Variants in MGAT4C observed in about 807,000 individuals in gnomAD.
MGAT4C encodes the protein alpha-1,3-mannosyl-glycoprotein 4-beta-N-acetylglucosaminyltransferase C.
MGAT4C carries 19 observed loss-of-function variants against 40.1 expected under a neutral mutation model. That is an observed-to-expected ratio of 0.47 (90% CI 0.33 to 0.70). MGAT4C has a LOEUF of 0.70. Ranked by LOEUF, MGAT4C falls within the 30% of genes least tolerant of loss-of-function variation. The pLI is 0.02. For missense variants in MGAT4C, 491 were observed against 563.2 expected (o/e 0.87, Z 1.30); for synonymous variants, 181 against 187.1 (o/e 0.97, Z 0.27).
At chr12:86,296,864 GCTC>G (rs1360480909) in intron 4 of MGAT4C, among the ~76,000 whole-genome samples, 2 of 152,230 alleles carry the variant, frequency 1.3e-5, no homozygotes, top group African/African-American at 4.8e-5. Context: ...GGGCCAAAGG[GCTC>G]CTCAAGTGCC....
chr12:86,020,923 C>T lies in MGAT4C; in HGVS notation c.-7+28751G>A, dbSNP rs189329555. On this transcript the variant is annotated intron_variant, in intron 2 of 4. Transcript: ENST00000611864. The stretch of plus-strand genomic sequence containing the variant: ...ACAAACAACCCCATCAAAAAGTGGG[C>T]AGAGGATATGAACAGACACTTCTCA... 2.1e-3 allele frequency among the ~76,000 whole-genome samples: 326 copies of T among 152,242 alleles called. 2 individuals are homozygous for T. Among genetic ancestry groups the T allele is most frequent in the Middle Eastern group, 0.01 (3 of 294 alleles).
chr12:85,976,797 G>A lies in MGAT4C; in HGVS notation c.*2492C>T, dbSNP rs1481773016. 1 of 150,308 alleles carries A rather than the reference G, an allele frequency of 6.7e-6. No individual in the cohort carries two copies. Among genetic ancestry groups the A allele is most frequent in the African/African-American group, 2.4e-5 (1 of 41,130 alleles). The allele number at this position is 150,308 out of a possible 1,614,324, so 9.3% of individuals were successfully genotyped here. On this transcript the variant is annotated 3_prime_UTR_variant, in exon 5 of 5. Transcript: ENST00000611864. Reference sequence around the variant, plus strand: ...TGTACTTTTGTTTCTATGCCTCTGAGACAAGATTACTAGACCCTTATTCAA... The same window carrying A: ...TGTACTTTTGTTTCTATGCCTCTGAAACAAGATTACTAGACCCTTATTCAA...
intron 2 of MGAT4C, among the ~76,000 whole-genome samples, chr12:85,992,733 C>G (rs183321087): frequency 6.6e-6 from 1 of 152,224 alleles, no homozygotes; most frequent in Non-Finnish European, 1.5e-5. Flanking sequence ...AAGCACAGAA[C>G]AGAAACATGG....
chr12:86,432,638 C>T (rs148493645), intron 3 of MGAT4C, among the ~76,000 whole-genome samples: 3 of 151,898 alleles, frequency 2.0e-5, no homozygotes, highest in African/African-American at 4.8e-5. Flanking sequence ...CACAGGGGAA[C>T]CCATTAAATA....
chr12:86,642,742 A>C (rs2136523157), intron 2 of MGAT4C, among the ~76,000 whole-genome samples: 1 of 151,774 alleles, frequency 6.6e-6, no homozygotes, highest in South Asian at 2.1e-4. Context: ...TCATTATATT[A>C]ACATGTTTTG....
chr12:86,012,133 A>G (rs73392051), intron 2 of MGAT4C, among the ~76,000 whole-genome samples: 4,633 of 152,290 alleles, frequency 0.03, 242 homozygotes, highest in African/African-American at 0.1. Flanking sequence ...ATTTCTCAGG[A>G]TGATACATCA....
At chr12:86,220,995 T>C (rs1329700046) in intron 1 of MGAT4C, among the ~76,000 whole-genome samples, 4 of 152,178 alleles carry the variant, frequency 2.6e-5, no homozygotes, top group African/African-American at 7.2e-5. Context: ...CTTGCTAAAA[T>C]TGTTTTAGGT....
chr12:86,392,476 T>TAACAAC (rs145566549), intron 3 of MGAT4C, among the ~76,000 whole-genome samples: 3 of 151,568 alleles, frequency 2.0e-5, no homozygotes, highest in African/African-American at 4.9e-5. Flanking sequence ...CTGTCAAAAA[T>TAACAAC]AACAACAACA....
At chr12:86,086,164 C>A (rs1159477514) in intron 1 of MGAT4C, among the ~76,000 whole-genome samples, 1 of 151,934 alleles carries the variant, frequency 6.6e-6, no homozygotes, top group South Asian at 2.1e-4. Flanking sequence ...TGTTAGACTG[C>A]ATAAAGAAAA....
intron 2 of MGAT4C, among the ~76,000 whole-genome samples, chr12:86,510,042 A>G (rs1459626192): frequency 6.6e-6 from 1 of 152,124 alleles, no homozygotes; most frequent in East Asian, 1.9e-4. Flanking sequence ...TCCTGATTGA[A>G]TACCCTTTAT....
chr12:86,734,276 T>C (rs1297758557), intron 1 of MGAT4C, among the ~76,000 whole-genome samples: 2 of 152,020 alleles, frequency 1.3e-5, no homozygotes, highest in Non-Finnish European at 1.5e-5. Flanking sequence ...TTATTTAAGA[T>C]TAGGGATATG....
intron 2 of MGAT4C, among the ~76,000 whole-genome samples, chr12:86,673,181 G>A (rs1565916967): frequency 6.6e-6 from 1 of 152,114 alleles, no homozygotes; most frequent in Non-Finnish European, 1.5e-5. Flanking sequence ...ATAGAAAAAC[G>A]CTGTCTGGAG....
chr12:85,957,797 A>C lies in MGAT4C; in HGVS notation c.*21492T>G, dbSNP rs990393869. ...TCGGTCAGGGTAGTGCAGGTGGTGC[A>C]TGCATTTAATAATAGTTTAAGATAT... On this transcript the variant is annotated 3_prime_UTR_variant, in exon 5 of 5. Transcript: ENST00000611864. 1 of 151,526 alleles carries C rather than the reference A, an allele frequency of 6.6e-6. No homozygotes were observed. Among genetic ancestry groups the C allele is most frequent in the African/African-American group, 2.4e-5 (1 of 41,328 alleles). The allele number at this position is 151,526 out of a possible 1,614,324, so 9.4% of individuals were successfully genotyped here. A position where few individuals can be genotyped will look rare whatever the true frequency, so the allele number is the denominator to read the frequency against.
At chr12:86,295,408 G>A (rs1281520543) in intron 4 of MGAT4C, among the ~76,000 whole-genome samples, 1 of 152,180 alleles carries the variant, frequency 6.6e-6, no homozygotes, top group Non-Finnish European at 1.5e-5. Context: ...CAGCGCGTCT[G>A]GAGTTGTTCA....
At chr12:86,799,476 T>A (rs1192838917) in intron 1 of MGAT4C, among the ~76,000 whole-genome samples, 1 of 151,904 alleles carries the variant, frequency 6.6e-6, no homozygotes, top group African/African-American at 2.4e-5. Flanking sequence ...AAATACTTTC[T>A]ATCTCACAGC....
intron 2 of MGAT4C, among the ~76,000 whole-genome samples, chr12:86,551,234 C>G (rs1172669480): frequency 6.6e-6 from 1 of 152,238 alleles, no homozygotes; most frequent in Non-Finnish European, 1.5e-5. Context: ...GGTGGTCAAG[C>G]CCTGAGGCTG....
chr12:86,814,637 AC>A (rs1009264866), intron 1 of MGAT4C, among the ~76,000 whole-genome samples: 3 of 151,904 alleles, frequency 2.0e-5, no homozygotes, highest in Non-Finnish European at 4.4e-5. Flanking sequence ...TGTTTGTATT[AC>A]CCCGAAATTC....
chr12:86,578,681 T>C (rs976708809), intron 2 of MGAT4C, among the ~76,000 whole-genome samples: 4 of 151,858 alleles, frequency 2.6e-5, no homozygotes, highest in African/African-American at 9.7e-5. Flanking sequence ...AATGATACTT[T>C]GAATTTCTGC....
intron 2 of MGAT4C, among the ~76,000 whole-genome samples, chr12:86,548,311 T>C (rs983991543): frequency 6.6e-6 from 1 of 152,004 alleles, no homozygotes. Flanking sequence ...AAACATGAGG[T>C]GCTCATTTAA....
Sources: allele counts gnomAD v4.1 joint callset (sites outside exome capture counted in the v4.1 genomes callset), GRCh38; gene constraint gnomAD v4.1.1; transcripts MANE v1.5; gene names NCBI Gene and HGNC (gene_info 2026-07-23, HGNC 2026-07-21).